Variants in HSPA4 observed in about 807,000 individuals in gnomAD.
The protein encoded by HSPA4 is heat shock protein family A (Hsp70) member 4.
Under a neutral mutation model 106.2 loss-of-function variants are expected in HSPA4, and 25 were observed. The observed-to-expected ratio is 0.24, with a 90% CI of 0.17 to 0.33. The LOEUF (loss-of-function observed/expected upper bound fraction) is 0.33, where lower values mean the gene tolerates loss of function less well. Among genes scored for constraint, HSPA4 ranks in the 10% least tolerant of loss-of-function variants. The probability of loss-of-function intolerance (pLI) is 1.00; values close to 1 mark genes in which losing one functional copy is unlikely to be tolerated. For missense variants in HSPA4, 841 were observed against 996.0 expected (o/e 0.84, Z 2.10); for synonymous variants, 332 against 333.6 (o/e 1.00, Z 0.05).
chr5:133,085,035 C>G (rs1473678047), intron 7 of HSPA4, among the ~76,000 whole-genome samples: 1 of 152,072 alleles, frequency 6.6e-6, no homozygotes, highest in Admixed American at 6.6e-5. Flanking sequence ...TCTTGAACTC[C>G]TGGGCTCAAG....
At chr5:133,081,796 T>TG (rs1328276684) in intron 7 of HSPA4, among the ~76,000 whole-genome samples, 2 of 152,168 alleles carry the variant, frequency 1.3e-5, no homozygotes, top group Non-Finnish European at 2.9e-5. Context: ...GCCCAGGAGA[T>TG]GGAGGCTTCT....
chr5:133,067,271 AT>A, intron 2 of HSPA4, 145 bp from the exon 3 acceptor site: 1 of 640,718 alleles, frequency 1.6e-6, no homozygotes, highest in Non-Finnish European at 2.7e-6. Flanking sequence ...AGTGGGCACC[AT>A]TTAGAAAAGT....
chr5:133,074,511 G>A (rs1021068588), intron 6 of HSPA4, among the ~76,000 whole-genome samples: 9 of 152,060 alleles, frequency 5.9e-5, no homozygotes, highest in Admixed American at 3.9e-4. Context: ...CTCCCGACCT[G>A]AGGTGATCCA....
intron 3 of HSPA4, among the ~76,000 whole-genome samples, chr5:133,069,996 G>C (rs927024008): frequency 2.6e-5 from 4 of 151,932 alleles, no homozygotes; most frequent in Non-Finnish European, 2.9e-5. Flanking sequence ...CAAGAACCCT[G>C]TCTCTGCAAG....
intron 1 of HSPA4, among the ~76,000 whole-genome samples, chr5:133,062,749 G>A (rs746912232): frequency 3.3e-5 from 5 of 152,162 alleles, no homozygotes; most frequent in Non-Finnish European, 7.4e-5. Flanking sequence ...GGTGTACCAT[G>A]TTTGTTCTTC....
chr5:133,092,658 T>C (rs745408807), intron 12 of HSPA4, 42 bp from the exon 13 acceptor site: 35 of 1,275,626 alleles, frequency 2.7e-5, no homozygotes, highest in Admixed American at 2.1e-4. Context: ...GAAGGTTGTT[T>C]AGTCTTCCTA....
At chr5:133,054,377 CT>C (rs1236768697) in intron 1 of HSPA4, among the ~76,000 whole-genome samples, 4 of 151,770 alleles carry the variant, frequency 2.6e-5, no homozygotes, top group African/African-American at 9.7e-5. Flanking sequence ...TAATTTTTGT[CT>C]TTTTTAGTAG....
intron 5 of HSPA4, 96 bp from the exon 6 acceptor site, chr5:133,073,897 G>T (rs1348233678): frequency 1.4e-6 from 1 of 693,284 alleles, no homozygotes; most frequent in Non-Finnish European, 2.2e-6. Context: ...AACACATGTA[G>T]TTGCATTCGT....
At chr5:133,091,059 G>T (rs183978883) in intron 11 of HSPA4, 134 bp from the exon 12 acceptor site, 3 of 793,160 alleles carry the variant, frequency 3.8e-6, no homozygotes, top group Non-Finnish European at 6.8e-6. Flanking sequence ...TAAAAGGACC[G>T]ATTTTGCTTA....
intron 6 of HSPA4, among the ~76,000 whole-genome samples, chr5:133,074,361 C>T (rs13354183): frequency 0.018 from 2,762 of 151,956 alleles, 95 homozygotes; most frequent in African/African-American, 0.064. Flanking sequence ...TCACCGCAAC[C>T]TCCACCTCCC....
intron 6 of HSPA4, among the ~76,000 whole-genome samples, chr5:133,075,802 C>T (rs763987032): frequency 6.6e-6 from 1 of 151,930 alleles, no homozygotes; most frequent in Admixed American, 6.6e-5. Context: ...TGCACTCCAG[C>T]CTGGGCAACA....
intron 6 of HSPA4, among the ~76,000 whole-genome samples, chr5:133,075,318 C>G (rs1051740833): frequency 7.2e-5 from 11 of 152,140 alleles, no homozygotes; most frequent in African/African-American, 2.7e-4. Flanking sequence ...ACGGAAGACT[C>G]TGGTTATAAT....
chr5:133,081,989 C>T (rs1424409678), intron 7 of HSPA4, among the ~76,000 whole-genome samples: 1 of 152,154 alleles, frequency 6.6e-6, no homozygotes, highest in Non-Finnish European at 1.5e-5. Context: ...GTTCATTGCA[C>T]TACTCATAAT....
At chr5:133,092,630 A>G in intron 12 of HSPA4, 70 bp from the exon 13 acceptor site, 1 of 996,728 alleles carries the variant, frequency 1.0e-6, no homozygotes, top group Non-Finnish European at 1.6e-6. Context: ...TAACTATGTG[A>G]CTTTGTCAAT....
chr5:133,076,928 T>C (rs372031552), intron 7 of HSPA4, 30 bp downstream of exon 7: 1 of 1,558,038 alleles, frequency 6.4e-7, no homozygotes. Flanking sequence ...GATGTTAAAG[T>C]GAAGAGTGAG....
intron 1 of HSPA4, among the ~76,000 whole-genome samples, chr5:133,058,354 C>T (rs1366124495): frequency 6.6e-5 from 10 of 152,092 alleles, no homozygotes; most frequent in Non-Finnish European, 1.3e-4. Flanking sequence ...CACTCCAAGC[C>T]TGGGCAACAG....
chr5:133,097,030 AC>A (rs1461059823), intron 14 of HSPA4, 130 bp from the exon 15 acceptor site: 12 of 596,972 alleles, frequency 2.0e-5, no homozygotes, highest in Non-Finnish European at 3.3e-5. Flanking sequence ...CTTCCCACTT[AC>A]CTTTGTTATG....
intron 17 of HSPA4, among the ~76,000 whole-genome samples, chr5:133,103,318 T>A (rs62375246): frequency 0.26 from 39,376 of 151,572 alleles, 5,322 homozygotes; most frequent in African/African-American, 0.31. Flanking sequence ...CAGCCTCCCA[T>A]AGTGCTAAGA....
At chr5:133,078,533 G>A (rs1309702724) in intron 7 of HSPA4, among the ~76,000 whole-genome samples, 1 of 150,904 alleles carries the variant, frequency 6.6e-6, no homozygotes, top group Non-Finnish European at 1.5e-5. Context: ...TACTTGGGAG[G>A]CTGAGGCAGG....
Sources: allele counts gnomAD v4.1 joint callset (sites outside exome capture counted in the v4.1 genomes callset), GRCh38; gene constraint gnomAD v4.1.1; transcripts MANE v1.5; gene names NCBI Gene and HGNC (gene_info 2026-07-23, HGNC 2026-07-21).